VSTM2L: variants seen among roughly 807,000 people sequenced by gnomAD.
VSTM2L encodes V-set and transmembrane domain containing 2 like, also known as V-set and transmembrane domain-containing protein 2-like protein.
VSTM2L carries 9 observed loss-of-function variants against 19.9 expected under a neutral mutation model. The ratio of observed to expected loss-of-function variants is 0.45; its 90% CI spans 0.27 to 0.79. The LOEUF (loss-of-function observed/expected upper bound fraction) is 0.79, where lower values mean the gene tolerates loss of function less well. VSTM2L is among the 30% of genes least tolerant of loss of function. The pLI, the probability that VSTM2L is intolerant of heterozygous loss-of-function variation, is 0.15. For missense variants in VSTM2L, 286 were observed against 295.5 expected (o/e 0.97, Z 0.24); for synonymous variants, 127 against 133.8 (o/e 0.95, Z 0.35).
At chr20:37,926,047 T>A (rs939937578) in intron 1 of VSTM2L, among the ~76,000 whole-genome samples, 1 of 152,128 alleles carries the variant, frequency 6.6e-6, no homozygotes, top group African/African-American at 2.4e-5. Flanking sequence ...GGTTGGCCAT[T>A]TGAGATTGAG....
chr20:37,923,024 T>G (rs1471218332), intron 1 of VSTM2L, among the ~76,000 whole-genome samples: 1 of 152,202 alleles, frequency 6.6e-6, no homozygotes, highest in East Asian at 1.9e-4. Flanking sequence ...AAAGGAGTGC[T>G]GTTTATTGAG....
At chr20:37,907,539 G>C (rs571624540) in intron 1 of VSTM2L, among the ~76,000 whole-genome samples, 2 of 152,268 alleles carry the variant, frequency 1.3e-5, no homozygotes, top group South Asian at 4.1e-4. Context: ...GACTGGCTTG[G>C]TTTGGTTTCA....
At chr20:37,935,304 G>A (rs1281713796) in intron 3 of VSTM2L, among the ~76,000 whole-genome samples, 1 of 152,202 alleles carries the variant, frequency 6.6e-6, no homozygotes, top group Non-Finnish European at 1.5e-5. Context: ...AGACAGGCAT[G>A]GGCCAAGCTC....
Position 37,944,367 on chromosome 20 carries a change from G to T in VSTM2L, c.*114G>T. The stretch of plus-strand genomic sequence containing the variant: ...CCAGCCGCGCCCCATCCCCGAGGCC[G>T]CCTGTGGCCACCATGTCGGCCCTCT... On this transcript the variant is annotated 3_prime_UTR_variant, in exon 4 of 4. Coordinates refer to ENST00000373461, the MANE Select transcript of VSTM2L (RefSeq NM_080607.3). The T allele has an allele frequency of 3.1e-6, 4 of 1,278,372 alleles. No individual in the cohort carries two copies. Among genetic ancestry groups the T allele is most frequent in the Non-Finnish European group, 3.0e-6 (3 of 985,706 alleles). 79.2% of individuals were successfully genotyped at this position (1,278,372 alleles called of 1,614,324 possible). A position where few individuals can be genotyped will look rare whatever the true frequency, so the allele number is the denominator to read the frequency against.
intron 3 of VSTM2L, among the ~76,000 whole-genome samples, chr20:37,935,043 A>G (rs1449704026): frequency 6.6e-6 from 1 of 152,160 alleles, no homozygotes; most frequent in Non-Finnish European, 1.5e-5. Context: ...CCCGTTCATC[A>G]CAACCCTTTC....
intron 1 of VSTM2L, among the ~76,000 whole-genome samples, chr20:37,912,639 G>A (rs2072786592): frequency 6.6e-6 from 1 of 152,218 alleles, no homozygotes; most frequent in Non-Finnish European, 1.5e-5. Flanking sequence ...AGCCTTCCCT[G>A]CCACCTGCAC....
At chr20:37,917,173 G>A (rs2072823203) in intron 1 of VSTM2L, among the ~76,000 whole-genome samples, 1 of 152,198 alleles carries the variant, frequency 6.6e-6, no homozygotes, top group Admixed American at 6.5e-5. Flanking sequence ...AATTAGTCAG[G>A]CGTGGTGGAG....
chr20:37,916,925 A>T (rs2122949285), intron 1 of VSTM2L, among the ~76,000 whole-genome samples: 1 of 152,182 alleles, frequency 6.6e-6, no homozygotes, highest in East Asian at 1.9e-4. Flanking sequence ...GAGAGTGGGG[A>T]GTGAGGAGTT....
chr20:37,936,312 C>T (rs1017689604), intron 3 of VSTM2L, among the ~76,000 whole-genome samples: 2 of 152,122 alleles, frequency 1.3e-5, no homozygotes, highest in African/African-American at 4.8e-5. Context: ...AACAGCTGAG[C>T]CAGGCAGGGA....
chr20:37,921,341 G>A (rs1460789713), intron 1 of VSTM2L, among the ~76,000 whole-genome samples: 7 of 152,160 alleles, frequency 4.6e-5, no homozygotes, highest in African/African-American at 7.2e-5. Context: ...TTTGGATGCC[G>A]AGCCTGGGAG....
chr20:37,912,855 T>G (rs542601689), intron 1 of VSTM2L, among the ~76,000 whole-genome samples: 1 of 152,260 alleles, frequency 6.6e-6, no homozygotes, highest in Non-Finnish European at 1.5e-5. Flanking sequence ...TCTCTCTTTC[T>G]CTCTCCCCCT....
chr20:37,905,304 T>C (rs1471608997), intron 1 of VSTM2L, among the ~76,000 whole-genome samples: 1 of 152,004 alleles, frequency 6.6e-6, no homozygotes, highest in Admixed American at 6.6e-5. Flanking sequence ...CTCTGAGGCT[T>C]ATGGTCGTTC....
intron 1 of VSTM2L, among the ~76,000 whole-genome samples, chr20:37,908,698 T>G (rs1007424958): frequency 6.6e-6 from 1 of 151,950 alleles, no homozygotes; most frequent in Admixed American, 6.6e-5. Flanking sequence ...AGCTACTCAG[T>G]AGGCTGAGGC....
chr20:37,915,371 G>A (rs944081095), intron 1 of VSTM2L, among the ~76,000 whole-genome samples: 2 of 152,152 alleles, frequency 1.3e-5, no homozygotes, highest in South Asian at 2.1e-4. Context: ...CCTGGGGTGG[G>A]GCCCAACCCC....
In VSTM2L at chr20:37,945,338, G is replaced by A. The variant is rs930955846; in HGVS notation, c.*1085G>A. On this transcript the variant is annotated 3_prime_UTR_variant, in exon 4 of 4. Coordinates refer to ENST00000373461, the MANE Select transcript of VSTM2L (RefSeq NM_080607.3). ...GACTACCAGCCAACCTGAATAAAGC[G>A]GTTTTAAAAAAACCTCTGGGCAGTG... 1.3e-4 allele frequency: 126 copies of A among 954,348 alleles called. No individual in the cohort carries two copies. The highest frequency in any genetic ancestry group is 2.3e-4 in the East Asian group (2 of 8,672). The allele number at this position is 954,348 out of a possible 1,614,324, so 59.1% of individuals were successfully genotyped here.
At chr20:37,926,840 C>A (rs1380800818) in intron 1 of VSTM2L, among the ~76,000 whole-genome samples, 1 of 152,246 alleles carries the variant, frequency 6.6e-6, no homozygotes, top group Admixed American at 6.5e-5. Context: ...CACTCACCAC[C>A]TGCTAAGATG....
intron 1 of VSTM2L, among the ~76,000 whole-genome samples, chr20:37,921,059 A>T (rs1326443107): frequency 6.6e-6 from 1 of 152,174 alleles, no homozygotes; most frequent in Non-Finnish European, 1.5e-5. Flanking sequence ...GTCATATAAC[A>T]TCTGTCATAT....
chr20:37,923,116 C>T lies in VSTM2L; in HGVS notation c.122-8519C>T, dbSNP rs117506338. Among the ~76,000 whole-genome samples, 86 of 152,218 alleles carry T rather than the reference C, an allele frequency of 5.6e-4. No individual in the cohort carries two copies. In the East Asian group the frequency reaches 0.015, roughly 27 times the overall value. On this transcript the variant is annotated intron_variant, in intron 1 of 3. Transcript: ENST00000373461. ...CAGCCCTCTCATTCTCCCCTTTTTC[C>T]AGATAAAGGAACCGAGGCTCTGAGA...
intron 1 of VSTM2L, among the ~76,000 whole-genome samples, chr20:37,927,233 G>A (rs2072883682): frequency 6.6e-6 from 1 of 152,196 alleles, no homozygotes; most frequent in African/African-American, 2.4e-5. Flanking sequence ...CCAAAATGCT[G>A]GGATTACAGG....
Sources: gnomAD v4.1 joint callset for allele counts (sites outside exome capture counted in the v4.1 genomes callset) on GRCh38, gnomAD v4.1.1 for gene constraint, MANE v1.5 for transcripts, NCBI Gene and HGNC (gene_info 2026-07-23, HGNC 2026-07-21) for gene names.